TBCE: variants seen among roughly 807,000 people sequenced by gnomAD.
The protein encoded by TBCE is tubulin folding cofactor E, also known as tubulin-specific chaperone E.
TBCE carries 53 observed loss-of-function variants against 77.0 expected under a neutral mutation model. The ratio of observed to expected loss-of-function variants is 0.69; its 90% confidence interval spans 0.55 to 0.87. TBCE has a LOEUF of 0.87. Among genes scored for constraint, TBCE ranks in the 40% least tolerant of loss-of-function variants. The pLI is 0.00. For missense variants in TBCE, 624 were observed against 622.4 expected, an observed-to-expected ratio of 1.00 and a Z score of -0.03; for synonymous variants, 235 against 241.3, an observed-to-expected ratio of 0.97 and a Z score of 0.24.
At chr1:235,410,766 T>C (rs546102258) in intron 3 of TBCE, among the ~76,000 whole-genome samples, 13 of 152,324 alleles carry the variant, frequency 8.5e-5, no homozygotes, top group Non-Finnish European at 1.6e-4. Context: ...GAAGATCCAC[T>C]TTCTGTAACT....
At chr1:235,436,659 C>A in intron 11 of TBCE, 51 bp downstream of exon 11, 1 of 1,520,566 alleles carries the variant, frequency 6.6e-7, no homozygotes, top group Non-Finnish European at 9.1e-7. Context: ...TTTCCACTCT[C>A]ATGGCAGAGT....
chr1:235,451,509 A>G lies in TBCE; in HGVS notation c.*2747A>G, dbSNP rs150249825. 38 of 151,988 alleles carry G rather than the reference A, an allele frequency of 2.5e-4. No individual in the cohort carries two copies. Among genetic ancestry groups the G allele is most frequent in the African/African-American group, 6.3e-4 (26 of 41,500 alleles). The allele number at this position is 151,988 out of a possible 1,614,324, so 9.4% of individuals were successfully genotyped here. On this transcript the variant is annotated 3_prime_UTR_variant, in exon 17 of 17. Coordinates refer to ENST00000642610, the MANE Select transcript of TBCE (RefSeq NM_003193.5). Reference sequence around the variant, plus strand: ...AAAAAAAAAGACCGCATCAGAAAACAAGCGCCATGAACAACAGTTGTAGAA... The same window carrying G: ...AAAAAAAAAGACCGCATCAGAAAACGAGCGCCATGAACAACAGTTGTAGAA...
intron 2 of TBCE, among the ~76,000 whole-genome samples, chr1:235,400,717 G>A (rs1679050651): frequency 8.7e-6 from 1 of 115,376 alleles, no homozygotes; most frequent in Non-Finnish European, 1.8e-5. Context: ...TTTTTGAGAC[G>A]GAATTTTGCT....
chr1:235,389,716 A>G (rs576771754), intron 2 of TBCE, among the ~76,000 whole-genome samples: 31 of 152,196 alleles, frequency 2.0e-4, no homozygotes, highest in Non-Finnish European at 4.1e-4. Context: ...TTCTGCGGTT[A>G]CTTCACTGGA....
At chr1:235,441,989 C>A in intron 14 of TBCE, 107 bp downstream of exon 14, 1 of 978,894 alleles carries the variant, frequency 1.0e-6, no homozygotes, top group Non-Finnish European at 1.5e-6. Context: ...TAAGTAAATG[C>A]CTTGAGTTTT....
chr1:235,439,458 T>C (rs2102931186), intron 13 of TBCE, among the ~76,000 whole-genome samples: 1 of 151,404 alleles, frequency 6.6e-6, no homozygotes, highest in East Asian at 2.0e-4. Flanking sequence ...ATCACACCAC[T>C]GTACTCCAGC....
chr1:235,439,214 G>A lies in TBCE; in HGVS notation c.1270+292G>A, dbSNP rs58301489. Reference sequence around the variant, plus strand: ...TTATTTTTAAGAGATGGAGTTGGCCGGGCGCGGTGGCTCAGGCCTGTAATC... The same window carrying A: ...TTATTTTTAAGAGATGGAGTTGGCCAGGCGCGGTGGCTCAGGCCTGTAATC... On this transcript the variant is annotated intron_variant, in intron 13 of 16. Coordinates refer to ENST00000642610, the MANE Select transcript of TBCE (RefSeq NM_003193.5). 0.024 allele frequency among the ~76,000 whole-genome samples: 3,571 copies of A among 151,904 alleles called. 155 individuals are homozygous for A. Among genetic ancestry groups the A allele is most frequent in the African/African-American group, 0.081 (3,357 of 41,392 alleles).
intron 2 of TBCE, among the ~76,000 whole-genome samples, chr1:235,384,992 G>A (rs1000072102): frequency 6.6e-6 from 1 of 151,930 alleles, no homozygotes; most frequent in Non-Finnish European, 1.5e-5. Flanking sequence ...TTTGAATGTT[G>A]TCCCAGAGAT....
chr1:235,416,705 T>TA (rs1168749500), intron 4 of TBCE, among the ~76,000 whole-genome samples: 1 of 152,242 alleles, frequency 6.6e-6, no homozygotes, highest in Non-Finnish European at 1.5e-5. Flanking sequence ...ATGACCCTAC[T>TA]ACTTGAGTAT....
chr1:235,391,660 G>T (rs1301669227), intron 2 of TBCE, among the ~76,000 whole-genome samples: 2 of 135,166 alleles, frequency 1.5e-5, no homozygotes, highest in African/African-American at 2.9e-5. Context: ...AGGCTGGAGT[G>T]CAGTGGTACG....
intron 1 of TBCE, among the ~76,000 whole-genome samples, chr1:235,368,253 C>T (rs60255727): frequency 5.9e-5 from 9 of 152,086 alleles, no homozygotes; most frequent in Middle Eastern, 3.2e-3. Context: ...GGGGACTGTT[C>T]TAAGTTGTGG....
At chr1:235,430,610 C>T (rs1681031166) in intron 6 of TBCE, 95 bp from the exon 7 acceptor site, 1 of 825,942 alleles carries the variant, frequency 1.2e-6, no homozygotes, top group South Asian at 1.6e-5. Context: ...AAATCAAACC[C>T]CTTAGATTAA....
At position 235,436,951 on chromosome 1, in the gene TBCE, T is replaced by TCTA. The variant is rs200737790; in HGVS notation, c.963+347_963+349dup. ...CTGACCAACATGGTGAAACCCCATC[T>TCTA]CTACTAAAAAAAAAAAAAAATCGCA... On this transcript the variant is annotated intron_variant, in intron 11 of 16. Transcript: ENST00000642610. Among the ~76,000 whole-genome samples the TCTA allele has an allele frequency of 8.0e-3, 1,195 of 149,134 alleles. 15 individuals carry two copies. The highest frequency in any genetic ancestry group is 0.027 in the African/African-American group (1,089 of 40,072).
intron 15 of TBCE, among the ~76,000 whole-genome samples, chr1:235,447,993 G>A (rs560939230): frequency 1.7e-4 from 26 of 152,080 alleles, no homozygotes; most frequent in South Asian, 6.2e-4. Context: ...GGCGGATCAC[G>A]AGGTCAGGAG....
chr1:235,382,251 T>G (rs1361095959), intron 2 of TBCE, among the ~76,000 whole-genome samples: 32 of 152,022 alleles, frequency 2.1e-4, no homozygotes, highest in Admixed American at 6.6e-5. Flanking sequence ...TCTTTGCTAT[T>G]GTGAATAGTG....
At chr1:235,410,902 A>G (rs1679748382) in intron 3 of TBCE, among the ~76,000 whole-genome samples, 1 of 152,240 alleles carries the variant, frequency 6.6e-6, no homozygotes, top group Non-Finnish European at 1.5e-5. Flanking sequence ...GAGTTCCGAC[A>G]AAAGGTATAT....
intron 13 of TBCE, among the ~76,000 whole-genome samples, chr1:235,440,554 G>A (rs1356387330): frequency 6.6e-6 from 1 of 151,896 alleles, no homozygotes; most frequent in Admixed American, 6.6e-5. Context: ...CACCATGCCC[G>A]GCTAATTTTT....
At chr1:235,427,261 A>C in intron 6 of TBCE, 22 bp downstream of exon 6, 1 of 1,520,328 alleles carries the variant, frequency 6.6e-7, no homozygotes, top group Non-Finnish European at 9.1e-7. Context: ...TGGTTGCTGA[A>C]TCTTCATTAA....
chr1:235,436,985 CG>C (rs1681492961), intron 11 of TBCE, among the ~76,000 whole-genome samples: 1 of 151,824 alleles, frequency 6.6e-6, no homozygotes, highest in African/African-American at 2.4e-5. Flanking sequence ...CAAAATTAAC[CG>C]GGCGTGGTGG....
Sources: gnomAD v4.1 joint callset for allele counts (sites outside exome capture counted in the v4.1 genomes callset) on GRCh38, gnomAD v4.1.1 for gene constraint, MANE v1.5 for transcripts, NCBI Gene and HGNC (gene_info 2026-07-23, HGNC 2026-07-21) for gene names.